QTMAN: variants seen among roughly 807,000 people sequenced by gnomAD.
The protein encoded by QTMAN is queuosine-tRNA mannosyltransferase, also known as tRNA-queuosine alpha-mannosyltransferase.
the QTMAN span, among the ~76,000 whole-genome samples, chr2:144,167,161 ATTAAT>A: frequency 6.6e-6 from 1 of 152,210 alleles, no homozygotes. Flanking sequence ...TTTGATAAGT[ATTAAT>A]TTAATGTATT....
chr2:144,193,595 A>T, the QTMAN span, among the ~76,000 whole-genome samples: 1 of 151,760 alleles, frequency 6.6e-6, no homozygotes, highest in Non-Finnish European at 1.5e-5. Context: ...ATCGTAGCTC[A>T]TTATAACCTC....
chr2:143,991,756 C>T, the QTMAN span, among the ~76,000 whole-genome samples: 507 of 127,506 alleles, frequency 4.0e-3, 2 homozygotes, highest in Middle Eastern at 0.032. Context: ...CCCCCCGCCC[C>T]GCCAGCCGCC....
the QTMAN span, among the ~76,000 whole-genome samples, chr2:144,103,023 C>G: frequency 6.6e-6 from 1 of 152,120 alleles, no homozygotes; most frequent in Non-Finnish European, 1.5e-5. Context: ...TTCTGAGAGT[C>G]CTAATGATCC....
the QTMAN span, among the ~76,000 whole-genome samples, chr2:144,143,944 T>C: frequency 6.6e-6 from 1 of 151,906 alleles, no homozygotes; most frequent in Non-Finnish European, 1.5e-5. Flanking sequence ...GCAGGAGTCA[T>C]ACTTTTCAAA....
the QTMAN span, among the ~76,000 whole-genome samples, chr2:144,165,312 C>T: frequency 6.6e-6 from 1 of 151,836 alleles, no homozygotes; most frequent in African/African-American, 2.4e-5. Flanking sequence ...AGAGGTTGCA[C>T]TGAACCAAGA....
the QTMAN span, among the ~76,000 whole-genome samples, chr2:144,002,976 G>A: frequency 6.6e-6 from 1 of 151,896 alleles, no homozygotes; most frequent in African/African-American, 2.4e-5. Flanking sequence ...CTTCTACTTA[G>A]ACATTATAGA....
At chr2:144,133,406 ATATAT>A in the QTMAN span, among the ~76,000 whole-genome samples, 2 of 60,870 alleles carry the variant, frequency 3.3e-5, no homozygotes, top group African/African-American at 8.0e-5. Flanking sequence ...TATAAATATA[ATATAT>A]TATATATAAT....
the QTMAN span, among the ~76,000 whole-genome samples, chr2:144,137,264 TCA>T: frequency 6.6e-6 from 1 of 152,174 alleles, no homozygotes; most frequent in Non-Finnish European, 1.5e-5. Context: ...TCTTAATAAA[TCA>T]CAGTCATCCT....
At chr2:144,175,367 T>C in the QTMAN span, among the ~76,000 whole-genome samples, 152 of 152,168 alleles carry the variant, frequency 1.0e-3, no homozygotes, top group Middle Eastern at 3.4e-3. Flanking sequence ...AAAAGAACTA[T>C]ACTTAGACAC....
the QTMAN span, among the ~76,000 whole-genome samples, chr2:144,288,034 T>C: frequency 6.6e-6 from 1 of 152,026 alleles, no homozygotes; most frequent in Non-Finnish European, 1.5e-5. Flanking sequence ...TTTGTATTTT[T>C]AGTAGAGACG....
the QTMAN span, among the ~76,000 whole-genome samples, chr2:144,199,339 G>A: frequency 2.0e-5 from 3 of 152,296 alleles, no homozygotes; most frequent in South Asian, 2.1e-4. Flanking sequence ...GTGAGCCACC[G>A]TGCTCAGCCT....
the QTMAN span, among the ~76,000 whole-genome samples, chr2:144,031,799 C>T: frequency 1.3e-5 from 2 of 151,902 alleles, no homozygotes; most frequent in South Asian, 4.1e-4. Flanking sequence ...ACTCTGTCAC[C>T]CAGGCTGGAG....
chr2:143,952,835 G>A, the QTMAN span: 1 of 1,603,044 alleles, frequency 6.2e-7, no homozygotes, highest in South Asian at 1.1e-5. Context: ...ACAGTACACA[G>A]CTTCCAACCT....
At chr2:144,080,152 A>G in the QTMAN span, among the ~76,000 whole-genome samples, 1 of 152,104 alleles carries the variant, frequency 6.6e-6, no homozygotes, top group African/African-American at 2.4e-5. Context: ...TCTCCTCTCA[A>G]TAAATGTATA....
At chr2:144,331,684 A>G in the QTMAN span, among the ~76,000 whole-genome samples, 1 of 152,226 alleles carries the variant, frequency 6.6e-6, no homozygotes, top group African/African-American at 2.4e-5. Flanking sequence ...ACTAAAGGTT[A>G]AATTTCGCTG....
chr2:144,176,836 A>G, the QTMAN span, among the ~76,000 whole-genome samples: 3 of 152,202 alleles, frequency 2.0e-5, no homozygotes, highest in African/African-American at 7.2e-5. Flanking sequence ...CTGTTCTCAC[A>G]TTGCTATAAA....
the QTMAN span, among the ~76,000 whole-genome samples, chr2:143,961,471 T>G: frequency 6.6e-6 from 1 of 152,192 alleles, no homozygotes. Context: ...CTGTTTCCAA[T>G]TTCCTATTTG....
chr2:144,108,014 T>G, the QTMAN span, among the ~76,000 whole-genome samples: 1 of 152,190 alleles, frequency 6.6e-6, no homozygotes, highest in Admixed American at 6.5e-5. Flanking sequence ...CACATGATTA[T>G]CTCAATAGAT....
At chr2:144,220,181 C>T in the QTMAN span, among the ~76,000 whole-genome samples, 3 of 152,044 alleles carry the variant, frequency 2.0e-5, no homozygotes, top group Non-Finnish European at 4.4e-5. Flanking sequence ...AGCTGTATCA[C>T]TATTTTTAAA....
Sources: allele counts gnomAD v4.1 joint callset (sites outside exome capture counted in the v4.1 genomes callset), GRCh38; gene constraint gnomAD v4.1.1; transcripts MANE v1.5; gene names NCBI Gene and HGNC (gene_info 2026-07-23, HGNC 2026-07-21).